The following NNT variants were observed in gnomAD, a reference collection of about 807,000 sequenced individuals.
The protein encoded by NNT is NAD(P) transhydrogenase, mitochondrial.
NNT carries 50 observed loss-of-function variants against 104.8 expected under a neutral mutation model. The observed-to-expected ratio is 0.48, with a 90% CI of 0.38 to 0.60. The LOEUF (loss-of-function observed/expected upper bound fraction) is 0.60. NNT is among the 20% of genes least tolerant of loss of function. NNT has a pLI of 0.00. For missense variants in NNT, 1,131 were observed against 1,330.7 expected (o/e 0.85, Z 2.33); for synonymous variants, 461 against 490.4 (o/e 0.94, Z 0.79).
At chr5:43,653,301 T>G in intron 14 of NNT, 88 bp downstream of exon 14, 1 of 1,280,434 alleles carries the variant, frequency 7.8e-7, no homozygotes, top group Non-Finnish European at 1.1e-6. Context: ...TAATTAAATT[T>G]TGTTCATGGA....
At position 43,628,284 on chromosome 5, in the gene NNT, A is replaced by T; in HGVS notation, c.861A>T (p.Gly287=). Residue 287 remains glycine, a synonymous_variant, in exon 7 of 22, where the codon GGA becomes GGT. Transcript: ENST00000344920. ...DLKESGEGQG[G]YAKEMSKEFI... is the part of the protein sequence containing the mutation. The stretch of plus-strand genomic sequence containing the variant: ...AGGAATCTGGTGAGGGACAAGGAGG[A>T]TATGCAAAAGAGATGTCCAAAGAGT... 1 of 1,614,070 alleles carries T rather than the reference A, an allele frequency of 6.2e-7. No homozygotes were observed. The highest frequency in any genetic ancestry group is 1.3e-5 in the African/African-American group (1 of 75,012).
intron 19 of NNT, among the ~76,000 whole-genome samples, chr5:43,678,852 T>C (rs1334831892): frequency 6.6e-6 from 1 of 152,208 alleles, no homozygotes; most frequent in East Asian, 1.9e-4. Context: ...CAGTTAATTG[T>C]ATTAGTGTCA....
intron 14 of NNT, among the ~76,000 whole-genome samples, chr5:43,653,830 C>G (rs1739898235): frequency 1.3e-5 from 2 of 151,998 alleles, no homozygotes; most frequent in African/African-American, 4.8e-5. Flanking sequence ...TGGCGTACAA[C>G]TGTAATCCCA....
chr5:43,676,612 A>G (rs1741428053), intron 18 of NNT, among the ~76,000 whole-genome samples: 1 of 152,216 alleles, frequency 6.6e-6, no homozygotes. Context: ...CTGCTGCATA[A>G]TGAATCATCA....
At chr5:43,603,731 C>A (rs948463330) in intron 1 of NNT, among the ~76,000 whole-genome samples, 3 of 152,064 alleles carry the variant, frequency 2.0e-5, no homozygotes, top group Non-Finnish European at 2.9e-5. Flanking sequence ...ATGGGCGGTT[C>A]ATCCAGAGAG....
intron 7 of NNT, among the ~76,000 whole-genome samples, chr5:43,634,580 C>G (rs540342221): frequency 6.6e-6 from 1 of 152,076 alleles, no homozygotes; most frequent in Non-Finnish European, 1.5e-5. Flanking sequence ...AATTCCTTCC[C>G]TTCAATGTAT....
intron 19 of NNT, among the ~76,000 whole-genome samples, chr5:43,698,070 C>T (rs1354327666): frequency 6.6e-6 from 1 of 151,458 alleles, no homozygotes; most frequent in Non-Finnish European, 1.5e-5. Flanking sequence ...TGGAGTTTCT[C>T]TTTGGATATA....
chr5:43,667,338 T>C, intron 17 of NNT: 2 of 560,856 alleles, frequency 3.6e-6, no homozygotes, highest in Non-Finnish European at 6.3e-6. Flanking sequence ...TTGTTACATA[T>C]GTATACATGC....
intron 19 of NNT, among the ~76,000 whole-genome samples, chr5:43,698,719 T>C (rs891691609): frequency 4.6e-5 from 7 of 152,032 alleles, no homozygotes; most frequent in Non-Finnish European, 7.4e-5. Context: ...CACTTAAAGT[T>C]GCACTTTCTA....
chr5:43,623,657 G>A (rs1257380531), intron 5 of NNT, among the ~76,000 whole-genome samples: 1 of 152,188 alleles, frequency 6.6e-6, no homozygotes, highest in African/African-American at 2.4e-5. Flanking sequence ...AAGGTAGTTA[G>A]AATGCCACAC....
rs895304074 is a variant in NNT, at chr5:43,705,882, G to T, written c.*1478G>T. 6.6e-6 allele frequency: 1 copy of T among 151,962 alleles called. No individual in the cohort carries two copies. The highest frequency in any genetic ancestry group is 1.5e-5 in the Non-Finnish European group (1 of 67,922). 9.4% of individuals were successfully genotyped at this position (151,962 alleles called of 1,614,324 possible). On this transcript the variant is annotated 3_prime_UTR_variant, in exon 22 of 22. Transcript: ENST00000344920. ...TGATCTTAGATCACTAGTAAACTCAGGGCTGAATTATACCATGTATATTCT... is the reference window on the plus strand; with the variant it reads ...TGATCTTAGATCACTAGTAAACTCATGGCTGAATTATACCATGTATATTCT...
chr5:43,686,067 G>T (rs768584256), intron 19 of NNT, among the ~76,000 whole-genome samples: 10 of 151,982 alleles, frequency 6.6e-5, no homozygotes, highest in Non-Finnish European at 1.3e-4. Context: ...TAATTTAAAA[G>T]GTTCTGAAGA....
rs187464572 is a variant in NNT, at chr5:43,694,869, T to C, written c.2877-5250T>C. Among the ~76,000 whole-genome samples the C allele has an allele frequency of 5.8e-4, 88 of 152,188 alleles. 1 individual carries two copies. Among genetic ancestry groups the C allele is most frequent in the Middle Eastern group, 3.4e-3 (1 of 294 alleles). On this transcript the variant is annotated intron_variant, in intron 19 of 21. Coordinates refer to ENST00000344920, the MANE Select transcript of NNT (RefSeq NM_182977.3). ...CTCCTTGGTTTTTTCGAATCATTTCTGTAGGAATGGTACCAGCTCTTCTTT... is the reference window on the plus strand; with the variant it reads ...CTCCTTGGTTTTTTCGAATCATTTCCGTAGGAATGGTACCAGCTCTTCTTT...
At chr5:43,670,312 G>A (rs912279495) in intron 17 of NNT, among the ~76,000 whole-genome samples, 68 of 151,992 alleles carry the variant, frequency 4.5e-4, no homozygotes, top group Admixed American at 1.2e-3. Flanking sequence ...GTTATTTCTA[G>A]ACTCCTGTAG....
intron 16 of NNT, among the ~76,000 whole-genome samples, chr5:43,658,330 C>CA (rs1217943414): frequency 1.3e-4 from 20 of 151,574 alleles, no homozygotes; most frequent in Non-Finnish European, 2.1e-4. Context: ...TTGTAACAAA[C>CA]AAAAAAAGGT....
chr5:43,667,591 A>G (rs1031026782), intron 17 of NNT, among the ~76,000 whole-genome samples: 4 of 152,234 alleles, frequency 2.6e-5, no homozygotes, highest in African/African-American at 9.7e-5. Flanking sequence ...TACAAAGGAC[A>G]TGAACTCATC....
At chr5:43,686,799 A>G (rs755270985) in intron 19 of NNT, among the ~76,000 whole-genome samples, 2 of 152,146 alleles carry the variant, frequency 1.3e-5, no homozygotes, top group Non-Finnish European at 2.9e-5. Context: ...AAAGCTTTTT[A>G]TACAAACTAC....
At chr5:43,684,175 A>G (rs1172274642) in intron 19 of NNT, among the ~76,000 whole-genome samples, 3 of 152,118 alleles carry the variant, frequency 2.0e-5, no homozygotes, top group Non-Finnish European at 4.4e-5. Context: ...CTGCATTAGA[A>G]AAATTGTTCC....
intron 1 of NNT, among the ~76,000 whole-genome samples, chr5:43,605,522 C>CAAAAAAA (rs70997416): frequency 2.6e-5 from 1 of 37,754 alleles, no homozygotes; most frequent in Non-Finnish European, 4.6e-5. Context: ...GACTCCGTCT[C>CAAAAAAA]AAAAAAAAAA....
Sources: allele counts gnomAD v4.1 joint callset (sites outside exome capture counted in the v4.1 genomes callset), GRCh38; gene constraint gnomAD v4.1.1; transcripts MANE v1.5; gene names NCBI Gene and HGNC (gene_info 2026-07-23, HGNC 2026-07-21).